The following SLC9A7 variants were observed in gnomAD, a reference collection of about 807,000 sequenced individuals.
SLC9A7 encodes the protein sodium/hydrogen exchanger 7.
In SLC9A7, 19 loss-of-function variants were observed where a neutral mutation model predicts 52.6. The observed-to-expected ratio is 0.36, with a 90% confidence interval of 0.25 to 0.53. The LOEUF (loss-of-function observed/expected upper bound fraction) is 0.53, where lower values mean the gene tolerates loss of function less well. SLC9A7 is among the 20% of genes least tolerant of loss of function. The pLI is 0.91. For synonymous variants in SLC9A7, 226 were observed against 252.1 expected, an observed-to-expected ratio of 0.90 and a Z score of 0.98; for missense variants, 455 against 597.9, an observed-to-expected ratio of 0.76 and a Z score of 2.49.
rs151270330 is a variant in SLC9A7, at chrX:46,627,432, T to G, written c.1740+4154A>C. ...GCCTAGATCAGGGCTTTTCTAATGG[T>G]AAAATGTACACACATTCCCTGGAGA... On this transcript the variant is annotated intron_variant, in intron 14 of 16. Transcript: ENST00000616978. Among the ~76,000 whole-genome samples, 697 of 111,904 alleles carry G rather than the reference T, an allele frequency of 6.2e-3. 5 individuals are homozygous for G. Among genetic ancestry groups the G allele is most frequent in the Non-Finnish European group, 8.7e-3 (464 of 53,104 alleles).
intron 16 of SLC9A7, among the ~76,000 whole-genome samples, chrX:46,607,642 CTT>C (rs1942772640): frequency 9.0e-6 from 1 of 111,200 alleles, no homozygotes. Flanking sequence ...TGGAACTACT[CTT>C]TGTCATAGAC....
At chrX:46,663,945 G>A (rs1395849238) in intron 5 of SLC9A7, among the ~76,000 whole-genome samples, 1 of 111,974 alleles carries the variant, frequency 8.9e-6, no homozygotes, top group Non-Finnish European at 1.9e-5. Flanking sequence ...GGCAACAAGA[G>A]TGAAACTCTG....
At chrX:46,656,936 T>G (rs1201494826) in intron 7 of SLC9A7, among the ~76,000 whole-genome samples, 1 of 103,580 alleles carries the variant, frequency 9.7e-6, no homozygotes, top group Non-Finnish European at 2.0e-5. Context: ...TCACCAAAGT[T>G]GAAATGAAGG....
intron 4 of SLC9A7, among the ~76,000 whole-genome samples, chrX:46,670,352 A>G (rs931049740): frequency 1.8e-5 from 2 of 112,136 alleles, no homozygotes; most frequent in African/African-American, 6.5e-5. Context: ...TATGTAGACT[A>G]TGACGTGGGC....
intron 1 of SLC9A7, among the ~76,000 whole-genome samples, chrX:46,717,832 G>C (rs1446162819): frequency 1.8e-5 from 2 of 111,795 alleles, no homozygotes; most frequent in African/African-American, 6.5e-5. Context: ...CATGCTCATG[G>C]ATAGGAAGAA....
At position 46,648,735 on chromosome X, in the gene SLC9A7, G is replaced by A. The variant is rs1337105053; in HGVS notation, c.1413C>T (p.Gly471=). 2 of 1,211,079 alleles carry A rather than the reference G, an allele frequency of 1.7e-6. No individual in the cohort carries two copies. The highest frequency in any genetic ancestry group is 3.5e-5 in the South Asian group (2 of 56,963). ...AATTCCAGCCAATCTTATGCCTTCT[G>A]CCCAAGTTGAGGAAGAAGGAGAGCG... ...IYPLSFFLNL[G]RRHKIGWNFQ... Residue 471 remains glycine, a synonymous_variant, in exon 11 of 17, where the codon GGC becomes GGT. Transcript: ENST00000616978.
intron 1 of SLC9A7, among the ~76,000 whole-genome samples, chrX:46,695,731 T>C (rs1342826673): frequency 9.1e-6 from 1 of 110,038 alleles, no homozygotes; most frequent in Non-Finnish European, 1.9e-5. Context: ...GAAGGTGGGG[T>C]GTGGGGGATC....
chrX:46,754,489 A>G (rs1922488979), intron 1 of SLC9A7, among the ~76,000 whole-genome samples: 1 of 111,586 alleles, frequency 9.0e-6, no homozygotes, highest in African/African-American at 3.3e-5. Flanking sequence ...ACCAGGAAGG[A>G]GATGGTTCCA....
rs768201094 is a variant in SLC9A7, at chrX:46,648,674, AC to A, written c.1462+11del. ...AATAAAACTCATTTTCTTTACACTT[AC>A]GCCTTTTTACCTGAAAACATCATCA... On this transcript the variant is annotated intron_variant, in intron 11 of 16. Coordinates refer to ENST00000616978, the MANE Select transcript of SLC9A7 (RefSeq NM_001257291.2). 2 of 1,133,659 alleles carry A rather than the reference AC, an allele frequency of 1.8e-6. No homozygotes were observed. Among genetic ancestry groups the A allele is most frequent in the East Asian group, 6.0e-5 (2 of 33,523 alleles). The allele number at this position is 1,133,659 out of a possible 1,213,427, so 93.4% of individuals were successfully genotyped here. A position where few individuals can be genotyped will look rare whatever the true frequency, so the allele number is the denominator to read the frequency against.
intron 16 of SLC9A7, among the ~76,000 whole-genome samples, chrX:46,612,916 C>A (rs1942877174): frequency 1.4e-5 from 1 of 69,274 alleles, no homozygotes; most frequent in Non-Finnish European, 2.5e-5. Flanking sequence ...CAGAGTGAGA[C>A]TCCGTCTCAA....
chrX:46,725,799 T>C (rs979827495), intron 1 of SLC9A7: 10 of 749,443 alleles, frequency 1.3e-5, no homozygotes, highest in Non-Finnish European at 2.1e-5. Flanking sequence ...GGGTTTCACT[T>C]TCCCGAAGAA....
At position 46,707,978 on chromosome X, in the gene SLC9A7, G is replaced by A. The variant is rs5952396; in HGVS notation, c.326-25443C>T. On this transcript the variant is annotated intron_variant, in intron 1 of 16. Coordinates refer to ENST00000616978, the MANE Select transcript of SLC9A7 (RefSeq NM_001257291.2). ...TGGTCTCAAACTCCTGACCTCAAGCGATCCACCCGCCCTCAGCCTCCCAAA... is the reference window on the plus strand; with the variant it reads ...TGGTCTCAAACTCCTGACCTCAAGCAATCCACCCGCCCTCAGCCTCCCAAA... Among the ~76,000 whole-genome samples, 773 of 110,474 alleles carry A rather than the reference G, an allele frequency of 7.0e-3. 9 individuals are homozygous for A. Among genetic ancestry groups the A allele is most frequent in the African/African-American group, 0.023 (709 of 30,395 alleles).
At chrX:46,669,126 T>C (rs956536677) in intron 5 of SLC9A7, among the ~76,000 whole-genome samples, 1 of 102,430 alleles carries the variant, frequency 9.8e-6, no homozygotes, top group African/African-American at 3.6e-5. Context: ...CGAGATCGTG[T>C]CACTGCACTC....
chrX:46,648,631 T>C (rs1943531495), intron 11 of SLC9A7, 55 bp downstream of exon 11: 3 of 899,503 alleles, frequency 3.3e-6, no homozygotes, highest in Non-Finnish European at 4.9e-6. Flanking sequence ...ATTTTAATCA[T>C]ATTCTTGTTA....
chrX:46,708,356 T>C (rs1024843543), intron 1 of SLC9A7, among the ~76,000 whole-genome samples: 5 of 110,039 alleles, frequency 4.5e-5, no homozygotes, highest in African/African-American at 9.9e-5. Context: ...GGCGAAACCC[T>C]AGCTGTACTA....
intron 16 of SLC9A7, among the ~76,000 whole-genome samples, chrX:46,608,100 C>A (rs1188957075): frequency 8.9e-6 from 1 of 112,585 alleles, no homozygotes; most frequent in East Asian, 2.8e-4. Flanking sequence ...CCTCTCTGAC[C>A]CCCTCAGGGC....
In SLC9A7 at chrX:46,692,608, G is replaced by A. The variant is rs183346942; in HGVS notation, c.326-10073C>T. Among the ~76,000 whole-genome samples the A allele has an allele frequency of 2.9e-4, 32 of 111,425 alleles. 1 individual carries two copies. In the Admixed American group the frequency reaches 3.1e-3, roughly 11 times the overall value. Reference sequence around the variant, plus strand: ...ATACTGTGGTATTCAGAGTCATCTTGGGGAACCAATTAAAGTACAGGTGTC... The same window carrying A: ...ATACTGTGGTATTCAGAGTCATCTTAGGGAACCAATTAAAGTACAGGTGTC... On this transcript the variant is annotated intron_variant, in intron 1 of 16. Coordinates refer to ENST00000616978, the MANE Select transcript of SLC9A7 (RefSeq NM_001257291.2).
intron 1 of SLC9A7, among the ~76,000 whole-genome samples, chrX:46,716,596 TA>T (rs1454582351): frequency 9.0e-6 from 1 of 111,244 alleles, no homozygotes; most frequent in Non-Finnish European, 1.9e-5. Context: ...ACTTTAAATA[TA>T]GAATCATGCA....
intron 1 of SLC9A7, among the ~76,000 whole-genome samples, chrX:46,682,960 ATTTTTTTTTTT>A (rs1169630244): frequency 1.5e-5 from 1 of 64,942 alleles, no homozygotes; most frequent in Non-Finnish European, 2.8e-5. Context: ...CACCCGGCTA[ATTTTTTTTTTT>A]TTTTTTTTTT....
Sources: gnomAD v4.1 joint callset for allele counts (sites outside exome capture counted in the v4.1 genomes callset) on GRCh38, gnomAD v4.1.1 for gene constraint, MANE v1.5 for transcripts, NCBI Gene and HGNC (gene_info 2026-07-23, HGNC 2026-07-21) for gene names.